RAB3IP: variants seen among roughly 807,000 people sequenced by gnomAD.
RAB3IP encodes RAB3A interacting protein.
Under a neutral mutation model 59.1 loss-of-function variants are expected in RAB3IP, and 36 were observed. That is an observed-to-expected ratio of 0.61 (90% CI 0.47 to 0.80). The LOEUF (loss-of-function observed/expected upper bound fraction) is 0.80, where lower values mean the gene tolerates loss of function less well. RAB3IP is among the 30% of genes least tolerant of loss of function. The pLI is 0.00. For missense variants in RAB3IP, 511 were observed against 536.0 expected, an observed-to-expected ratio of 0.95 and a Z score of 0.46; for synonymous variants, 207 against 191.2, an observed-to-expected ratio of 1.08 and a Z score of -0.68.
intron 3 of RAB3IP, among the ~76,000 whole-genome samples, chr12:69,773,269 G>C (rs1873462966): frequency 6.6e-6 from 1 of 151,616 alleles, no homozygotes. Context: ...ATATGCCTTG[G>C]GGTAGTCTTA....
intron 1 of RAB3IP, among the ~76,000 whole-genome samples, chr12:69,752,134 G>T: frequency 6.6e-6 from 1 of 150,620 alleles, no homozygotes; most frequent in Non-Finnish European, 1.5e-5. Flanking sequence ...CTCCCAAGTG[G>T]TTAGGACTAT....
intron 3 of RAB3IP, among the ~76,000 whole-genome samples, chr12:69,767,411 G>A (rs967432882): frequency 1.3e-5 from 2 of 152,336 alleles, no homozygotes; most frequent in South Asian, 4.1e-4. Flanking sequence ...TGAGCTCCCT[G>A]CTCAGCTCCA....
At chr12:69,779,976 C>A (rs188360790) in intron 3 of RAB3IP, among the ~76,000 whole-genome samples, 1 of 152,118 alleles carries the variant, frequency 6.6e-6, no homozygotes, top group Non-Finnish European at 1.5e-5. Flanking sequence ...TTGTGCCCAT[C>A]CTTCAGTGGG....
chr12:69,779,888 T>C (rs1480087178), intron 3 of RAB3IP, among the ~76,000 whole-genome samples: 4 of 152,172 alleles, frequency 2.6e-5, no homozygotes, highest in Non-Finnish European at 5.9e-5. Flanking sequence ...TCCCTGATTG[T>C]TCTGAATGCT....
intron 8 of RAB3IP, among the ~76,000 whole-genome samples, 184 bp downstream of exon 8, chr12:69,801,905 G>A (rs956157068): frequency 4.7e-5 from 7 of 150,276 alleles, no homozygotes; most frequent in African/African-American, 1.7e-4. Flanking sequence ...TTCAGATTTA[G>A]CATTAAAGGA....
At chr12:69,800,121 G>A in intron 6 of RAB3IP, 88 bp from the exon 7 acceptor site, 1 of 992,750 alleles carries the variant, frequency 1.0e-6, no homozygotes, top group Non-Finnish European at 1.4e-6. Flanking sequence ...TTTTTTCAGT[G>A]ATGTTTAAAT....
At chr12:69,751,691 G>A (rs55967505) in intron 1 of RAB3IP, among the ~76,000 whole-genome samples, 13,303 of 152,036 alleles carry the variant, frequency 0.087, 1,018 homozygotes, top group East Asian at 0.4. Context: ...AAAATAGGTT[G>A]TGACTTTTTT....
rs1446585224 is a variant in RAB3IP, at chr12:69,775,934, A to T, written c.511-8786A>T. Among the ~76,000 whole-genome samples the T allele has an allele frequency of 4.0e-3, 452 of 113,344 alleles. 6 individuals are homozygous for T. The highest frequency in any genetic ancestry group is 0.014 in the African/African-American group (436 of 32,128). The allele number at this position is 113,344 out of a possible 152,430, so 74.4% of individuals were successfully genotyped here. A position where few individuals can be genotyped will look rare whatever the true frequency, so the allele number is the denominator to read the frequency against. ...AGAATGATGGTGGCCTCATAAAATG[A>T]GTTAGGGAGGATTCCCTCTTTTTCT... is the stretch of plus-strand genomic sequence containing the variant. On this transcript the variant is annotated intron_variant, in intron 3 of 10. Transcript: ENST00000247833.
At chr12:69,754,403 G>A (rs1309520871) in intron 1 of RAB3IP, among the ~76,000 whole-genome samples, 1 of 151,746 alleles carries the variant, frequency 6.6e-6, no homozygotes, top group Non-Finnish European at 1.5e-5. Context: ...TATTAAGTGG[G>A]CATCATGTCT....
chr12:69,758,756 C>CTTTTTTTTTTTTTTTTTTTTTTTTTTTTT (rs71437121), intron 3 of RAB3IP, among the ~76,000 whole-genome samples: 1 of 48,206 alleles, frequency 2.1e-5, no homozygotes, highest in Non-Finnish European at 3.7e-5. Context: ...GTGTTCATTC[C>CTTTTTTTTTTTTTTTTTTTTTTTTTTTTT]TTTTTTTTTT....
chr12:69,788,783 T>C (rs1253351775), intron 4 of RAB3IP, among the ~76,000 whole-genome samples: 3 of 152,068 alleles, frequency 2.0e-5, no homozygotes, highest in African/African-American at 7.2e-5. Flanking sequence ...TGAAACATTC[T>C]CCAGTATAGT....
chr12:69,821,207 G>A lies in RAB3IP; in HGVS notation c.*5761G>A, dbSNP rs1881706673. 6.6e-6 allele frequency: 1 copy of A among 152,332 alleles called. No individual in the cohort carries two copies. Among genetic ancestry groups the A allele is most frequent in the South Asian group, 2.1e-4 (1 of 4,808 alleles). The allele number at this position is 152,332 out of a possible 1,614,324, so 9.4% of individuals were successfully genotyped here. ...AACCGCAGCAGCTCAGCTTTTATCT[G>A]TATCTGTTGGAGCTCTCTAGGAAAT... On this transcript the variant is annotated 3_prime_UTR_variant, in exon 11 of 11. Transcript: ENST00000247833.
intron 1 of RAB3IP, among the ~76,000 whole-genome samples, chr12:69,751,772 C>T (rs981516853): frequency 1.3e-5 from 2 of 152,030 alleles, no homozygotes; most frequent in Non-Finnish European, 2.9e-5. Flanking sequence ...TAAAATCACT[C>T]GAAGTAGTTC....
At chr12:69,779,785 C>G (rs910225282) in intron 3 of RAB3IP, among the ~76,000 whole-genome samples, 3 of 151,704 alleles carry the variant, frequency 2.0e-5, no homozygotes, top group Non-Finnish European at 4.4e-5. Flanking sequence ...CTTAACACAG[C>G]TAGTTTGATT....
chr12:69,820,855 T>G lies in RAB3IP; in HGVS notation c.*5409T>G, dbSNP rs1881648579. ...CCTGGGCAACAAGAGTGAAACTCCGTCTGAAAAAAAAAAAAAAAAACCCAA... is the reference window on the plus strand; with the variant it reads ...CCTGGGCAACAAGAGTGAAACTCCGGCTGAAAAAAAAAAAAAAAAACCCAA... On this transcript the variant is annotated 3_prime_UTR_variant, in exon 11 of 11. Coordinates refer to ENST00000247833, the MANE Select transcript of RAB3IP (RefSeq NM_022456.5). The G allele has an allele frequency of 2.2e-5, 1 of 45,780 alleles. No individual in the cohort carries two copies. Among genetic ancestry groups the G allele is most frequent in the Admixed American group, 3.8e-4 (1 of 2,638 alleles). The allele number at this position is 45,780 out of a possible 1,614,324, so 2.8% of individuals were successfully genotyped here.
rs1189230607 is a variant in RAB3IP, at chr12:69,821,174, CCAGATTTAACCGCAGCAGCTCAG to C, written c.*5730_*5752del. 6.6e-6 allele frequency: 1 copy of C among 152,278 alleles called. No individual in the cohort carries two copies. Among genetic ancestry groups the C allele is most frequent in the East Asian group, 1.9e-4 (1 of 5,188 alleles). The allele number at this position is 152,278 out of a possible 1,614,324, so 9.4% of individuals were successfully genotyped here. A position where few individuals can be genotyped will look rare whatever the true frequency, so the allele number is the denominator to read the frequency against. ...ATACAGGGCCCCCATCACCACATCC[CCAGATTTAACCGCAGCAGCTCAG>C]CTTTTATCTGTATCTGTTGGAGCTC... On this transcript the variant is annotated 3_prime_UTR_variant, in exon 11 of 11. Transcript: ENST00000247833.
chr12:69,790,529 T>G (rs1485854872), intron 4 of RAB3IP, among the ~76,000 whole-genome samples: 1 of 152,166 alleles, frequency 6.6e-6, no homozygotes, highest in Non-Finnish European at 1.5e-5. Context: ...CCCAATGGCA[T>G]TTTTTACAGA....
upstream of RAB3IP, chr12:69,738,580 A>G (rs1886891941): frequency 1.2e-5 from 1 of 81,428 alleles, no homozygotes; most frequent in South Asian, 4.3e-4. Flanking sequence ...GGCCCGGCGA[A>G]ACAGAGCGCG....
intron 1 of RAB3IP, among the ~76,000 whole-genome samples, chr12:69,754,511 T>C (rs957624593): frequency 1.3e-5 from 2 of 152,198 alleles, no homozygotes; most frequent in South Asian, 4.1e-4. Flanking sequence ...TTCTACTTAC[T>C]CTAACCAAGG....
Sources: allele counts gnomAD v4.1 joint callset (sites outside exome capture counted in the v4.1 genomes callset), GRCh38; gene constraint gnomAD v4.1.1; transcripts MANE v1.5; gene names NCBI Gene and HGNC (gene_info 2026-07-23, HGNC 2026-07-21).